PTPRM: variants seen among roughly 807,000 people sequenced by gnomAD.
PTPRM encodes protein tyrosine phosphatase receptor type M.
In PTPRM, 47 loss-of-function variants were observed where a neutral mutation model predicts 186.7. That is an observed-to-expected ratio of 0.25 (90% confidence interval 0.20 to 0.32). The LOEUF (loss-of-function observed/expected upper bound fraction) is 0.32. Ranked by LOEUF, PTPRM falls within the 10% of genes least tolerant of loss-of-function variation. The pLI, the probability that PTPRM is intolerant of heterozygous loss-of-function variation, is 1.00. For missense variants in PTPRM, 1,494 were observed against 1,865.0 expected, an observed-to-expected ratio of 0.80 and a Z score of 3.66; for synonymous variants, 668 against 674.9, an observed-to-expected ratio of 0.99 and a Z score of 0.16.
chr18:8,307,140 A>G (rs1010751750), intron 20 of PTPRM, among the ~76,000 whole-genome samples: 1 of 152,192 alleles, frequency 6.6e-6, no homozygotes, highest in Non-Finnish European at 1.5e-5. Flanking sequence ...GCAGCAGAGC[A>G]TGGGGGAGCT....
chr18:8,085,022 CACTA>C (rs1260625386), intron 9 of PTPRM, among the ~76,000 whole-genome samples: 1 of 152,164 alleles, frequency 6.6e-6, no homozygotes, highest in Non-Finnish European at 1.5e-5. Flanking sequence ...TCCTCAGTCT[CACTA>C]ACCACATTTC....
chr18:8,385,157 A>C (rs1394658436), intron 30 of PTPRM, among the ~76,000 whole-genome samples: 2 of 152,174 alleles, frequency 1.3e-5, no homozygotes, highest in Non-Finnish European at 2.9e-5. Flanking sequence ...ACCTGATCAG[A>C]TATCAAACAT....
At chr18:8,200,298 T>A (rs543241156) in intron 14 of PTPRM, among the ~76,000 whole-genome samples, 142 of 148,812 alleles carry the variant, frequency 9.5e-4, no homozygotes, top group African/African-American at 3.5e-3. Flanking sequence ...AGGTGGACAG[T>A]TTGGAGGTGG....
intron 2 of PTPRM, among the ~76,000 whole-genome samples, chr18:7,788,189 G>C (rs772338281): frequency 2.6e-5 from 4 of 152,118 alleles, no homozygotes; most frequent in African/African-American, 7.2e-5. Flanking sequence ...CTGAGTGTTA[G>C]GGTTTTCTTT....
At chr18:7,808,686 A>G (rs531123874) in intron 2 of PTPRM, among the ~76,000 whole-genome samples, 4 of 152,350 alleles carry the variant, frequency 2.6e-5, no homozygotes, top group Non-Finnish European at 4.4e-5. Context: ...TACATATGCA[A>G]AATCAAAAGA....
intron 23 of PTPRM, among the ~76,000 whole-genome samples, chr18:8,369,999 A>G (rs956155474): frequency 2.0e-5 from 3 of 152,134 alleles, no homozygotes. Context: ...AATTCAGCAC[A>G]TGGAGAAACA....
chr18:8,388,824 G>C (rs2095793936), intron 31 of PTPRM, among the ~76,000 whole-genome samples: 3 of 152,154 alleles, frequency 2.0e-5, no homozygotes, highest in African/African-American at 4.8e-5. Flanking sequence ...AGCCAGGCAT[G>C]GTGGTGGGCA....
chr18:8,309,776 C>T (rs538873006), intron 20 of PTPRM, among the ~76,000 whole-genome samples: 1 of 152,294 alleles, frequency 6.6e-6, no homozygotes, highest in Admixed American at 6.5e-5. Flanking sequence ...TCAAGCTATC[C>T]TCCTGCCTCG....
chr18:7,626,020 T>C (rs377093582), intron 1 of PTPRM, among the ~76,000 whole-genome samples: 1 of 152,210 alleles, frequency 6.6e-6, no homozygotes, highest in South Asian at 2.1e-4. Context: ...TCCTGTAATA[T>C]AGAGAAAATA....
At chr18:7,748,542 T>C (rs1296538406) in intron 1 of PTPRM, among the ~76,000 whole-genome samples, 3 of 152,178 alleles carry the variant, frequency 2.0e-5, no homozygotes, top group African/African-American at 4.8e-5. Flanking sequence ...TTAAGGACAC[T>C]GTGGAGCAGA....
chr18:8,311,457 A>G (rs915543813), intron 20 of PTPRM, among the ~76,000 whole-genome samples: 1 of 152,182 alleles, frequency 6.6e-6, no homozygotes, highest in Non-Finnish European at 1.5e-5. Context: ...GGCCCCACAC[A>G]TGGGACTGCA....
intron 22 of PTPRM, among the ~76,000 whole-genome samples, chr18:8,325,407 C>T (rs1243176212): frequency 6.6e-6 from 1 of 152,194 alleles, no homozygotes; most frequent in Non-Finnish European, 1.5e-5. Flanking sequence ...CAAGTGAGAA[C>T]ATACAGTGTT....
intron 7 of PTPRM, among the ~76,000 whole-genome samples, chr18:8,009,623 G>A (rs991900795): frequency 3.9e-5 from 6 of 152,108 alleles, no homozygotes; most frequent in Non-Finnish European, 7.3e-5. Context: ...CAGGAGAATC[G>A]CTTGAATCCA....
chr18:7,776,549 A>T (rs1240698668), intron 2 of PTPRM, among the ~76,000 whole-genome samples: 1 of 151,632 alleles, frequency 6.6e-6, no homozygotes, highest in African/African-American at 2.4e-5. Context: ...AACTTTAGTC[A>T]TTAGAAATTG....
At chr18:8,175,063 T>C (rs2093461651) in intron 14 of PTPRM, among the ~76,000 whole-genome samples, 1 of 152,200 alleles carries the variant, frequency 6.6e-6, no homozygotes. Context: ...ACTGGTTTGC[T>C]ATAGGATTCT....
At chr18:7,923,456 C>G (rs1421058820) in intron 4 of PTPRM, among the ~76,000 whole-genome samples, 4 of 152,170 alleles carry the variant, frequency 2.6e-5, no homozygotes, top group African/African-American at 9.7e-5. Flanking sequence ...GAAAACTTTT[C>G]CTTTTCTGAT....
At chr18:7,667,130 G>A (rs1319771257) in intron 1 of PTPRM, among the ~76,000 whole-genome samples, 1 of 152,158 alleles carries the variant, frequency 6.6e-6, no homozygotes, top group Non-Finnish European at 1.5e-5. Context: ...GTTGTCTCTG[G>A]CTGTACATTT....
intron 23 of PTPRM, chr18:8,360,850 T>A (rs553668681): frequency 6.6e-6 from 1 of 152,358 alleles, no homozygotes; most frequent in Admixed American, 6.5e-5. Context: ...GTCTTTATTC[T>A]AGAGTAACAT....
intron 1 of PTPRM, among the ~76,000 whole-genome samples, chr18:7,648,096 A>G (rs1314333990): frequency 2.0e-5 from 3 of 152,174 alleles, no homozygotes; most frequent in African/African-American, 7.2e-5. Context: ...AGATTTTGAT[A>G]ATTCTCACAG....
Sources: allele counts gnomAD v4.1 joint callset (sites outside exome capture counted in the v4.1 genomes callset), GRCh38; gene constraint gnomAD v4.1.1; transcripts MANE v1.5; gene names NCBI Gene and HGNC (gene_info 2026-07-23, HGNC 2026-07-21).